Variants in MICB observed in about 807,000 individuals in gnomAD.
MICB encodes the protein MHC class I antigen-related protein B.
A neutral mutation model predicts 34.3 loss-of-function variants in MICB; 27 were observed. The observed-to-expected ratio is 0.79, with a 90% CI of 0.58 to 1.08. MICB has a LOEUF of 1.08. MICB is among the 50% of genes least tolerant of loss of function. The pLI is 0.00. For synonymous variants in MICB, 153 were observed against 187.4 expected (o/e 0.82, Z 1.50); for missense variants, 426 against 483.1 (o/e 0.88, Z 1.11).
chr6:31,503,123 G>A (rs1180860879), intron 1 of MICB, among the ~76,000 whole-genome samples: 2 of 152,160 alleles, frequency 1.3e-5, no homozygotes, highest in Non-Finnish European at 2.9e-5. Flanking sequence ...GTTGAATGTG[G>A]TTTGCTAGTA....
At chr6:31,505,373 A>T (rs1409978619) in intron 1 of MICB, among the ~76,000 whole-genome samples, 3 of 151,820 alleles carry the variant, frequency 2.0e-5, no homozygotes, top group Non-Finnish European at 4.4e-5. Context: ...GCTTGTGGCC[A>T]CCCAGTCCTG....
chr6:31,505,763 G>A lies in MICB; in HGVS notation c.217G>A (p.Ala73Thr). 1.9e-6 allele frequency: 3 copies of A among 1,613,228 alleles called. No homozygotes were observed. Among genetic ancestry groups the A allele is most frequent in the African/African-American group, 1.3e-5 (1 of 75,048 alleles). ...CAGGGCAAAGCCCCAGGGACAGTGG[G>A]CAGAAAATGTCCTGGGAGCTAAGAC... ...KRRAKPQGQWAENVLGAKTWD... is the reference protein window; with the variant it reads ...KRRAKPQGQWTENVLGAKTWD... Residue 73 changes from alanine (A) to threonine (T), a missense_variant, in exon 2 of 6, where the codon GCA becomes ACA. Coordinates refer to ENST00000252229, the MANE Select transcript of MICB (RefSeq NM_005931.5).
rs1765279436 is a variant in MICB, at chr6:31,505,781, G to A, written c.235G>A (p.Ala79Thr). ...ACAGTGGGCAGAAAATGTCCTGGGA[G>A]CTAAGACCTGGGACACAGAGACCGA... ...QGQWAENVLG[A>T]KTWDTETEDL... The change falls in exon 2 of 6, where the codon GCT (alanine) becomes ACT (threonine). Residue 79 changes from alanine to threonine, a missense_variant. By Grantham distance (58) the Ala-to-Thr change is moderately conservative (BLOSUM62 0). Coordinates refer to ENST00000252229, the MANE Select transcript of MICB (RefSeq NM_005931.5). The A allele has an allele frequency of 6.2e-7, 1 of 1,613,310 alleles. No homozygotes were observed. The highest frequency in any genetic ancestry group is 2.2e-5 in the East Asian group (1 of 44,882).
chr6:31,510,082 G>A lies in MICB; in HGVS notation c.*173G>A, dbSNP rs544345183. ...TGCTGCTCTGCCACGTAGAGAGCCA[G>A]CAAAGGGATCATGACCAACTCAACA... On this transcript the variant is annotated 3_prime_UTR_variant, in exon 6 of 6. Transcript: ENST00000252229. 2 of 605,662 alleles carry A rather than the reference G, an allele frequency of 3.3e-6. No homozygotes were observed. Among genetic ancestry groups the A allele is most frequent in the South Asian group, 4.3e-5 (1 of 23,056 alleles). 37.5% of individuals were successfully genotyped at this position (605,662 alleles called of 1,614,324 possible). A position where few individuals can be genotyped will look rare whatever the true frequency, so the allele number is the denominator to read the frequency against.
At chr6:31,499,295 T>C (rs1582864342) in intron 1 of MICB, among the ~76,000 whole-genome samples, 2 of 152,022 alleles carry the variant, frequency 1.3e-5, no homozygotes, top group Middle Eastern at 3.4e-3. Flanking sequence ...AGATTCCCTC[T>C]CACCTCCTCC....
intron 1 of MICB, among the ~76,000 whole-genome samples, chr6:31,501,557 T>C (rs1417951224): frequency 6.6e-6 from 1 of 152,236 alleles, no homozygotes; most frequent in Non-Finnish European, 1.5e-5. Flanking sequence ...ATAGTTTTCA[T>C]AGTTTGAGGT....
At chr6:31,502,654 A>C (rs2150284331) in intron 1 of MICB, among the ~76,000 whole-genome samples, 1 of 152,322 alleles carries the variant, frequency 6.6e-6, no homozygotes, top group Admixed American at 6.5e-5. Flanking sequence ...TGGAGTCTTT[A>C]GGTTTTCCAA....
rs536740045 is a variant in MICB, at chr6:31,505,268, C to T, written c.71-349C>T. On this transcript the variant is annotated intron_variant, in intron 1 of 5. Coordinates refer to ENST00000252229, the MANE Select transcript of MICB (RefSeq NM_005931.5). ...CTGAGTCCCTTCCCATTCCCACTGT[C>T]CCCTCTGGCAAGACCTTCCTTCCAA... Among the ~76,000 whole-genome samples the T allele has an allele frequency of 1.2e-4, 19 of 152,276 alleles. 1 individual carries two copies. The highest frequency in any genetic ancestry group is 4.1e-4 in the African/African-American group (17 of 41,566).
intron 5 of MICB, among the ~76,000 whole-genome samples, chr6:31,509,555 C>A (rs1233431829): frequency 6.6e-6 from 1 of 152,124 alleles, no homozygotes; most frequent in Non-Finnish European, 1.5e-5. Context: ...TCACTCCCTG[C>A]ACGGTGAGTG....
chr6:31,500,977 A>G (rs9267390), intron 1 of MICB, among the ~76,000 whole-genome samples: 51,443 of 151,984 alleles, frequency 0.34, 8,849 homozygotes, highest in East Asian at 0.46. Context: ...TGACAGCTCT[A>G]TTATATTTTT....
In MICB at chr6:31,507,288, C is replaced by T. The variant is rs776435141; in HGVS notation, c.880C>T (p.Pro294Ser). The T allele has an allele frequency of 1.9e-6, 3 of 1,612,684 alleles. No homozygotes were observed. The change falls in exon 4 of 6, where the codon CCT (proline) becomes TCT (serine). Residue 294 changes from proline (P) to serine (S), a missense_variant. Coordinates refer to ENST00000252229, the MANE Select transcript of MICB (RefSeq NM_005931.5). The surrounding 1 kb of genome is among the most constrained non-coding windows in gnomAD (Gnocchi z 6.0). ...MEHSGNHGTH[P>S]VPSGKALVLQ... ...ACACAGCGGGAATCACGGCACTCAC[C>T]CTGTGCCCTCTGGTGAGCCTGGGGT...
chr6:31,496,370 T>TC (rs1764658383), upstream of MICB, among the ~76,000 whole-genome samples: 2 of 62,960 alleles, frequency 3.2e-5, no homozygotes, highest in Non-Finnish European at 3.5e-5. Flanking sequence ...TTTTTTCTTT[T>TC]TTTTTTTTTT....
chr6:31,505,936 G>T, intron 2 of MICB, 65 bp downstream of exon 2: 1 of 1,526,656 alleles, frequency 6.6e-7, no homozygotes, highest in South Asian at 1.3e-5. Context: ...ACAGAGAGCA[G>T]GGACCTGTCT....
chr6:31,508,756 A>G (rs1443377038), intron 5 of MICB, among the ~76,000 whole-genome samples: 2 of 152,202 alleles, frequency 1.3e-5, no homozygotes, highest in Non-Finnish European at 2.9e-5. Context: ...CCTGCTTTCA[A>G]TGTTGATGTC....
rs547246907 is a variant in MICB, at chr6:31,502,695, T to C, written c.71-2922T>C. ...AGACCACATGATGTGCAAACAAGGA[T>C]AATTTGACTTCTTCTTTTCCAATTT... On this transcript the variant is annotated intron_variant, in intron 1 of 5. Transcript: ENST00000252229. Among the ~76,000 whole-genome samples the C allele has an allele frequency of 1.3e-4, 20 of 152,344 alleles. 1 individual carries two copies. In the South Asian group the frequency reaches 4.1e-3, roughly 32 times the overall value.
intron 1 of MICB, among the ~76,000 whole-genome samples, chr6:31,499,088 T>C (rs1330398883): frequency 1.3e-5 from 2 of 151,910 alleles, no homozygotes; most frequent in African/African-American, 4.8e-5. Flanking sequence ...GACCCGGAGG[T>C]GGTGCTTCTT....
intron 1 of MICB, among the ~76,000 whole-genome samples, chr6:31,505,169 A>G (rs2534654): frequency 0.19 from 26,497 of 137,178 alleles, 3,346 homozygotes; most frequent in Admixed American, 0.27. Flanking sequence ...GTCTTTTCTC[A>G]AGGCAGCTCG....
At chr6:31,498,520 T>G (rs1764817078) in intron 1 of MICB, 1 of 190,268 alleles carries the variant, frequency 5.3e-6, no homozygotes, top group Non-Finnish European at 1.1e-5. Context: ...TAGGCTGTAG[T>G]GCAGTGGCGC....
chr6:31,508,913 C>T (rs1254145018), intron 5 of MICB, among the ~76,000 whole-genome samples: 12 of 152,084 alleles, frequency 7.9e-5, no homozygotes, highest in African/African-American at 2.4e-4. Flanking sequence ...GCTGTGGCAG[C>T]GGCAGTTCCC....
Sources: gnomAD v4.1 joint callset for allele counts (sites outside exome capture counted in the v4.1 genomes callset) on GRCh38, gnomAD v4.1.1 for gene constraint, Gnocchi (gnomAD v3.1) non-coding constraint, MANE v1.5 for transcripts, NCBI Gene and HGNC (gene_info 2026-07-23, HGNC 2026-07-21) for gene names.